LMBR1: variants seen among roughly 807,000 people sequenced by gnomAD.
LMBR1 encodes the protein limb development membrane protein 1.
Under a neutral mutation model 73.9 loss-of-function variants are expected in LMBR1, and 52 were observed. That is an observed-to-expected ratio of 0.70 (90% confidence interval 0.56 to 0.89). The LOEUF (loss-of-function observed/expected upper bound fraction) is 0.89. Among genes scored for constraint, LMBR1 ranks in the 40% least tolerant of loss-of-function variants. The pLI is 0.00. For missense variants in LMBR1, 539 were observed against 579.8 expected, an observed-to-expected ratio of 0.93 and a Z score of 0.72; for synonymous variants, 215 against 209.4, an observed-to-expected ratio of 1.03 and a Z score of -0.23.
chr7:156,695,948 T>A (rs1698662232), intron 15 of LMBR1, among the ~76,000 whole-genome samples: 1 of 150,750 alleles, frequency 6.6e-6, no homozygotes, highest in Admixed American at 6.6e-5. Flanking sequence ...AATCCAAAGG[T>A]AATGCAGTGG....
At chr7:156,833,876 AAACTT>A (rs1837139031) in intron 2 of LMBR1, 84 bp from the exon 3 acceptor site, 1 of 898,410 alleles carries the variant, frequency 1.1e-6, no homozygotes, top group Non-Finnish European at 1.7e-6. Flanking sequence ...AACACAATAT[AAACTT>A]AAAAGGCAAT....
rs182523575 is a variant in LMBR1 at position 156,713,801 on chromosome 7, T to C, written c.1225+10311A>G. ...CTCAATAAAGCTGTTAAAATGCATTTATTAGACTTCAGACTATATACCCAA... is the reference window on the plus strand; with the variant it reads ...CTCAATAAAGCTGTTAAAATGCATTCATTAGACTTCAGACTATATACCCAA... On this transcript the variant is annotated intron_variant, in intron 15 of 16. Coordinates refer to ENST00000353442, the MANE Select transcript of LMBR1 (RefSeq NM_022458.4). Among the ~76,000 whole-genome samples the C allele has an allele frequency of 3.3e-4, 50 of 152,344 alleles. No homozygotes were observed. In the East Asian group the frequency reaches 9.6e-3, roughly 29 times the overall value.
At chr7:156,815,151 C>T (rs1208104496) in intron 4 of LMBR1, among the ~76,000 whole-genome samples, 1 of 110,526 alleles carries the variant, frequency 9.0e-6, no homozygotes, top group Non-Finnish European at 1.8e-5. Context: ...AGTGAAACTC[C>T]GTCTCAAAAA....
At chr7:156,697,245 A>G (rs201839124) in intron 15 of LMBR1, among the ~76,000 whole-genome samples, 6 of 151,452 alleles carry the variant, frequency 4.0e-5, no homozygotes, top group Non-Finnish European at 5.9e-5. Context: ...AAGCAGAACT[A>G]CTAATAAGGA....
chr7:156,782,694 G>A (rs377057530), intron 5 of LMBR1, among the ~76,000 whole-genome samples: 13 of 152,182 alleles, frequency 8.5e-5, no homozygotes, highest in African/African-American at 1.7e-4. Context: ...ACAGGCACAC[G>A]CCACCATGCC....
intron 15 of LMBR1, among the ~76,000 whole-genome samples, chr7:156,692,920 T>G (rs1019442846): frequency 6.6e-6 from 1 of 152,016 alleles, no homozygotes; most frequent in Non-Finnish European, 1.5e-5. Context: ...TAAGTAGAGA[T>G]ATGAAAGAAA....
downstream of LMBR1, chr7:156,676,894 G>C: frequency 2.1e-6 from 1 of 466,954 alleles, no homozygotes; most frequent in Non-Finnish European, 3.9e-6. Context: ...AATATGAATA[G>C]CAAAAAATGA....
At chr7:156,888,174 G>A (rs1802242877) in intron 1 of LMBR1, among the ~76,000 whole-genome samples, 1 of 152,130 alleles carries the variant, frequency 6.6e-6, no homozygotes, top group Non-Finnish European at 1.5e-5. Context: ...ACTTTGGGAG[G>A]CTGAGGCGGG....
At chr7:156,748,576 C>T (rs903571404) in intron 9 of LMBR1, among the ~76,000 whole-genome samples, 11 of 152,228 alleles carry the variant, frequency 7.2e-5, no homozygotes, top group African/African-American at 2.6e-4. Flanking sequence ...GCGACCTCTG[C>T]TGCCCAGGTT....
chr7:156,824,161 A>C (rs10252508), intron 4 of LMBR1, among the ~76,000 whole-genome samples: 54,130 of 151,862 alleles, frequency 0.36, 9,912 homozygotes, highest in East Asian at 0.57. Flanking sequence ...CGCTGAAAAA[A>C]TGTGGAGTTT....
At chr7:156,722,564 A>G (rs1348113528) in intron 15 of LMBR1, among the ~76,000 whole-genome samples, 1 of 152,166 alleles carries the variant, frequency 6.6e-6, no homozygotes, top group African/African-American at 2.4e-5. Context: ...TCATCTATTC[A>G]ATGCCACTGG....
intron 15 of LMBR1, among the ~76,000 whole-genome samples, chr7:156,697,582 C>T (rs2132008364): frequency 6.6e-6 from 1 of 152,242 alleles, no homozygotes; most frequent in Middle Eastern, 3.4e-3. Context: ...ATCAATATTC[C>T]TTTCTAGGAA....
chr7:156,835,449 C>T (rs953509737), intron 2 of LMBR1, among the ~76,000 whole-genome samples: 2 of 152,192 alleles, frequency 1.3e-5, no homozygotes, highest in African/African-American at 4.8e-5. Context: ...AATCCCAGCA[C>T]TTTAGGAAGT....
chr7:156,697,571 T>C (rs1808591182), intron 15 of LMBR1, among the ~76,000 whole-genome samples: 2 of 152,192 alleles, frequency 1.3e-5, no homozygotes, highest in African/African-American at 4.8e-5. Context: ...AAGGTATTAA[T>C]ATCAATATTC....
Position 156,780,897 on chromosome 7 carries a change from A to G in LMBR1, c.423+15492T>C, listed in dbSNP as rs1010559155. 4.6e-5 allele frequency among the ~76,000 whole-genome samples: 7 copies of G among 152,168 alleles called. No homozygotes were observed. In the East Asian group the frequency reaches 1.3e-3, roughly 29 times the overall value. On this transcript the variant is annotated intron_variant, in intron 5 of 16. Coordinates refer to ENST00000353442, the MANE Select transcript of LMBR1 (RefSeq NM_022458.4). The stretch of plus-strand genomic sequence containing the variant: ...AATAAGTCACAAAAGACAACACCAC[A>G]TGGAAATGAGGAAGTGGGGGAGAAT...
intron 9 of LMBR1, among the ~76,000 whole-genome samples, chr7:156,747,542 C>T (rs990419749): frequency 2.0e-5 from 3 of 152,106 alleles, no homozygotes; most frequent in Non-Finnish European, 4.4e-5. Context: ...CCAATTAGAT[C>T]TGCAAGCCCT....
chr7:156,819,541 G>A (rs1259443668), intron 4 of LMBR1, among the ~76,000 whole-genome samples: 1 of 152,184 alleles, frequency 6.6e-6, no homozygotes, highest in Non-Finnish European at 1.5e-5. Flanking sequence ...CTCCATGGGA[G>A]ATTAAAGGAA....
intron 5 of LMBR1, among the ~76,000 whole-genome samples, chr7:156,788,067 C>G (rs1234435547): frequency 6.6e-6 from 1 of 152,248 alleles, no homozygotes; most frequent in Non-Finnish European, 1.5e-5. Context: ...AGCCACCATA[C>G]CTGGCCTAGT....
intron 8 of LMBR1, among the ~76,000 whole-genome samples, chr7:156,757,404 G>C (rs1451569636): frequency 6.6e-6 from 1 of 152,004 alleles, no homozygotes; most frequent in African/African-American, 2.4e-5. Context: ...CTAGAGAAGT[G>C]GTATGTTTAC....
Sources: allele counts gnomAD v4.1 joint callset (sites outside exome capture counted in the v4.1 genomes callset), GRCh38; gene constraint gnomAD v4.1.1; transcripts MANE v1.5; gene names NCBI Gene and HGNC (gene_info 2026-07-23, HGNC 2026-07-21).